Variants in EBF1 observed in about 807,000 individuals in gnomAD.
EBF1 encodes EBF transcription factor 1.
In EBF1, 10 loss-of-function variants were observed where a neutral mutation model predicts 68.4. The ratio of observed to expected loss-of-function variants is 0.15; its 90% CI spans 0.09 to 0.25. The LOEUF (loss-of-function observed/expected upper bound fraction) is 0.25. Among genes scored for constraint, EBF1 ranks in the 10% least tolerant of loss-of-function variants. The pLI is 1.00. For missense variants in EBF1, 509 were observed against 794.4 expected (o/e 0.64, Z 4.32); for synonymous variants, 298 against 299.8 (o/e 0.99, Z 0.06).
intron 6 of EBF1, among the ~76,000 whole-genome samples, chr5:159,067,604 T>A (rs1443501229): frequency 2.0e-5 from 3 of 152,208 alleles, no homozygotes; most frequent in African/African-American, 7.2e-5. Flanking sequence ...TAGACTGCGA[T>A]TAGCTTATTG....
chr5:158,773,514 G>C (rs528590360), intron 10 of EBF1, among the ~76,000 whole-genome samples: 1 of 152,188 alleles, frequency 6.6e-6, no homozygotes, highest in African/African-American at 2.4e-5. Context: ...ATTCATCAGG[G>C]TTTTCACCAA....
At chr5:159,085,326 A>T (rs1780439070) in intron 4 of EBF1, among the ~76,000 whole-genome samples, 1 of 152,218 alleles carries the variant, frequency 6.6e-6, no homozygotes, top group Non-Finnish European at 1.5e-5. Flanking sequence ...CACCCACCCA[A>T]ACAGGAATAC....
intron 8 of EBF1, among the ~76,000 whole-genome samples, chr5:158,797,522 T>C (rs1444099519): frequency 6.6e-6 from 1 of 152,208 alleles, no homozygotes; most frequent in Non-Finnish European, 1.5e-5. Context: ...CAAGACTGAC[T>C]TTCTGAGCAT....
chr5:159,016,641 T>C (rs2127698769), intron 6 of EBF1, among the ~76,000 whole-genome samples: 2 of 152,314 alleles, frequency 1.3e-5, no homozygotes, highest in South Asian at 2.1e-4. Context: ...AAGGACTCCA[T>C]GCCTATGACT....
intron 11 of EBF1, among the ~76,000 whole-genome samples, chr5:158,719,203 C>CT (rs1296878217): frequency 1.3e-5 from 2 of 152,056 alleles, no homozygotes; most frequent in Non-Finnish European, 2.9e-5. Context: ...TTTTATGTCA[C>CT]TTTTTTATGA....
chr5:159,026,622 A>G (rs938150926), intron 6 of EBF1, among the ~76,000 whole-genome samples: 3 of 152,122 alleles, frequency 2.0e-5, no homozygotes, highest in East Asian at 1.9e-4. Context: ...TCCACCCCAC[A>G]TGCTGGACTC....
At chr5:159,029,887 G>A (rs1476520133) in intron 6 of EBF1, among the ~76,000 whole-genome samples, 1 of 151,626 alleles carries the variant, frequency 6.6e-6, no homozygotes, top group Non-Finnish European at 1.5e-5. Context: ...AATCTGGGAG[G>A]CAGAGGTTGC....
In EBF1 at chr5:158,696,903, TTTTTTTTC is replaced by T. The variant is rs1479205790; in HGVS notation, c.*2200_*2207del. The T allele has an allele frequency of 7.6e-5, 15 of 198,384 alleles. No individual in the cohort carries two copies. The highest frequency in any genetic ancestry group is 2.4e-4 in the Admixed American group (4 of 16,574). The allele number at this position is 198,384 out of a possible 1,614,324, so 12.3% of individuals were successfully genotyped here. On this transcript the variant is annotated 3_prime_UTR_variant, in exon 16 of 16. Transcript: ENST00000313708. The stretch of plus-strand genomic sequence containing the variant: ...TGTGCTTTTCGATTTCTTTGTTTTT[TTTTTTTTC>T]TTTTTTTCTTTTTCTTTTTTCTTAG...
intron 8 of EBF1, among the ~76,000 whole-genome samples, chr5:158,799,972 TCACAA>T (rs1300516439): frequency 1.3e-5 from 2 of 152,128 alleles, no homozygotes; most frequent in African/African-American, 4.8e-5. Context: ...TTAACCCTAC[TCACAA>T]CACAACTGCC....
chr5:158,981,880 T>G (rs1296999705), intron 6 of EBF1, among the ~76,000 whole-genome samples: 1 of 152,124 alleles, frequency 6.6e-6, no homozygotes, highest in Non-Finnish European at 1.5e-5. Flanking sequence ...AAATTAAAAG[T>G]CCAGCGGACA....
chr5:159,076,952 A>G lies in EBF1; in HGVS notation c.486-3488T>C, dbSNP rs538285355. Among the ~76,000 whole-genome samples the G allele has an allele frequency of 3.3e-5, 5 of 152,372 alleles. No individual in the cohort carries two copies. The South Asian group carries it at 1.0e-3, about 32-fold the overall frequency. On this transcript the variant is annotated intron_variant, in intron 5 of 15. Coordinates refer to ENST00000313708, the MANE Select transcript of EBF1 (RefSeq NM_024007.5). ...AGTTAGAAGCACTGGAATGGAAAGA[A>G]ATGTACAGCATATTGTGACTTGAGA...
chr5:158,986,003 C>A (rs1226788909), intron 6 of EBF1: 1 of 152,430 alleles, frequency 6.6e-6, no homozygotes, highest in Admixed American at 6.5e-5. Context: ...TCATCAATAA[C>A]CACTTACCCC....
At chr5:159,078,238 A>G (rs1354273263) in intron 5 of EBF1, among the ~76,000 whole-genome samples, 2 of 152,120 alleles carry the variant, frequency 1.3e-5, no homozygotes, top group Non-Finnish European at 2.9e-5. Context: ...TTTCAGGTAG[A>G]ACTGCCCATA....
At chr5:158,955,829 C>G (rs1816948510) in intron 6 of EBF1, among the ~76,000 whole-genome samples, 1 of 152,070 alleles carries the variant, frequency 6.6e-6, no homozygotes, top group Non-Finnish European at 1.5e-5. Context: ...AGGGGAGTCA[C>G]AAGAAGATGC....
chr5:158,841,951 C>T (rs1275447101), intron 6 of EBF1, among the ~76,000 whole-genome samples: 2 of 152,228 alleles, frequency 1.3e-5, no homozygotes, highest in African/African-American at 4.8e-5. Context: ...TCACTTGCCG[C>T]TACTTCCAGA....
At chr5:158,926,273 A>C (rs569818768) in intron 6 of EBF1, among the ~76,000 whole-genome samples, 2 of 152,312 alleles carry the variant, frequency 1.3e-5, no homozygotes, top group African/African-American at 4.8e-5. Context: ...ATGATAGCGC[A>C]TTTGTTATAT....
chr5:158,712,856 G>T (rs758078172), intron 13 of EBF1, 114 bp downstream of exon 13: 246 of 1,065,386 alleles, frequency 2.3e-4, no homozygotes, highest in Non-Finnish European at 3.0e-4. Flanking sequence ...CATAAACTAA[G>T]AATCTCCCTT....
chr5:159,084,588 A>G (rs1780317448), intron 5 of EBF1, 78 bp downstream of exon 5: 7 of 1,233,858 alleles, frequency 5.7e-6, no homozygotes, highest in South Asian at 1.9e-5. Context: ...AAAAAAAAAG[A>G]CCAAAGTTCA....
At chr5:158,916,251 A>G (rs1807174409) in intron 6 of EBF1, among the ~76,000 whole-genome samples, 1 of 152,172 alleles carries the variant, frequency 6.6e-6, no homozygotes, top group South Asian at 2.1e-4. Context: ...CCTGTCATGG[A>G]TATCTCAAGA....
Sources: allele counts gnomAD v4.1 joint callset (sites outside exome capture counted in the v4.1 genomes callset), GRCh38; gene constraint gnomAD v4.1.1; transcripts MANE v1.5; gene names NCBI Gene and HGNC (gene_info 2026-07-23, HGNC 2026-07-21).